Variants in NPM1 observed in about 807,000 individuals in gnomAD.
NPM1 encodes nucleophosmin.
NPM1 carries 1 observed loss-of-function variant against 44.1 expected under a neutral mutation model. The ratio of observed to expected loss-of-function variants is 0.02; its 90% CI spans 0.01 to 0.11. NPM1 has a LOEUF of 0.11. Among genes scored for constraint, NPM1 ranks in the 10% least tolerant of loss-of-function variants. The pLI is 1.00. For synonymous variants in NPM1, 126 were observed against 111.8 expected, an observed-to-expected ratio of 1.13 and a Z score of -0.80; for missense variants, 197 against 347.8, an observed-to-expected ratio of 0.57 and a Z score of 3.45.
rs181587190 is a variant in NPM1 at position 171,388,016 on chromosome 5, G to T, written c.58+10G>T. The T allele has an allele frequency of 6.9e-4, 1,119 of 1,610,684 alleles. 3 individuals are homozygous for T. The highest frequency in any genetic ancestry group is 8.4e-4 in the Non-Finnish European group (990 of 1,177,936). Reference sequence around the variant, plus strand: ...CAGAACTATCTTTTCGGTAACTGCTGGGGGGAGCTGGAGCGAGGCCGAGCG... The same window carrying T: ...CAGAACTATCTTTTCGGTAACTGCTTGGGGGAGCTGGAGCGAGGCCGAGCG... On this transcript the variant is annotated intron_variant, in intron 1 of 10. Transcript: ENST00000296930.
chr5:171,396,894 A>G (rs1301307201), intron 6 of NPM1, among the ~76,000 whole-genome samples: 1 of 151,786 alleles, frequency 6.6e-6, no homozygotes, highest in East Asian at 1.9e-4. Context: ...AATTGCTTGA[A>G]CCCGGGAGGC....
At chr5:171,400,316 A>ATC in intron 7 of NPM1, 106 bp downstream of exon 7, 1 of 1,363,208 alleles carries the variant, frequency 7.3e-7, no homozygotes, top group South Asian at 1.3e-5. Context: ...GTGGGAGATC[A>ATC]TCTCATACTG....
intron 6 of NPM1, among the ~76,000 whole-genome samples, chr5:171,396,146 A>AT (rs1770871202): frequency 6.6e-6 from 1 of 151,756 alleles, no homozygotes; most frequent in Non-Finnish European, 1.5e-5. Flanking sequence ...TGCCAGGCTA[A>AT]TTTTTTGTAT....
chr5:171,394,305 T>C (rs1770760869), intron 6 of NPM1, among the ~76,000 whole-genome samples: 1 of 152,126 alleles, frequency 6.6e-6, no homozygotes, highest in African/African-American at 2.4e-5. Flanking sequence ...CCCAAAGTGC[T>C]GGGATTGCAG....
rs759143092 is a variant in NPM1, at chr5:171,391,335, T to C, written c.169T>C (p.Leu57=). 5.0e-6 allele frequency: 8 copies of C among 1,613,350 alleles called. No individual in the cohort carries two copies. In the Admixed American group the frequency reaches 5.0e-5, roughly 10 times the overall value. ...VSLGAGAKDE[L]HIVEAEAMNY... ...TTTAGGGGCTGGTGCAAAGGATGAGTTGCACATTGTTGAAGCAGAGGCAAT... is the reference window on the plus strand; with the variant it reads ...TTTAGGGGCTGGTGCAAAGGATGAGCTGCACATTGTTGAAGCAGAGGCAAT... Residue 57 remains leucine (L), a synonymous_variant, in exon 3 of 11, where the codon TTG becomes CTG. Transcript: ENST00000296930.
At chr5:171,393,280 A>G (rs1352425064) in intron 6 of NPM1, among the ~76,000 whole-genome samples, 1 of 152,218 alleles carries the variant, frequency 6.6e-6, no homozygotes, top group Non-Finnish European at 1.5e-5. Flanking sequence ...TGGATGTGTT[A>G]TACCCATCAA....
chr5:171,400,255 A>T (rs544714118), intron 7 of NPM1, 45 bp downstream of exon 7: 1 of 1,610,974 alleles, frequency 6.2e-7, no homozygotes, highest in African/African-American at 1.3e-5. Flanking sequence ...AACAATAGAA[A>T]TGGTGATTTT....
intron 6 of NPM1, among the ~76,000 whole-genome samples, chr5:171,393,286 A>G (rs1171008192): frequency 6.6e-6 from 1 of 152,222 alleles, no homozygotes; most frequent in African/African-American, 2.4e-5. Context: ...TGTTATACCC[A>G]TCAAGCCTGG....
intron 8 of NPM1, among the ~76,000 whole-genome samples, chr5:171,404,058 G>A (rs867674203): frequency 2.1e-4 from 13 of 60,764 alleles, no homozygotes; most frequent in South Asian, 7.3e-4. Context: ...CTCACCTCCC[G>A]GACGGGGCGG....
At chr5:171,387,736 G>A (rs1770295728), upstream of NPM1, 3 of 596,394 alleles carry the variant, frequency 5.0e-6, no homozygotes, top group Non-Finnish European at 9.0e-6. Context: ...CGCTTGCGCA[G>A]GACGGCTACG....
At chr5:171,404,415 C>T (rs1436235293) in intron 8 of NPM1, among the ~76,000 whole-genome samples, 1 of 82,050 alleles carries the variant, frequency 1.2e-5, no homozygotes, top group Admixed American at 1.2e-4. Context: ...CCTCACTTCT[C>T]AGACGGGGCG....
intron 8 of NPM1, among the ~76,000 whole-genome samples, chr5:171,404,074 C>T (rs1216598197): frequency 3.0e-5 from 2 of 66,634 alleles, no homozygotes; most frequent in Admixed American, 2.5e-4. Context: ...GGCGGCTGGC[C>T]GGGCGGGGGG....
chr5:171,404,974 C>G (rs962690135), intron 8 of NPM1, among the ~76,000 whole-genome samples: 1 of 151,958 alleles, frequency 6.6e-6, no homozygotes, highest in African/African-American at 2.4e-5. Flanking sequence ...GTGGCCTACT[C>G]TTGCCCAGGT....
At chr5:171,388,204 G>C (rs917637928) in intron 1 of NPM1, among the ~76,000 whole-genome samples, 198 bp downstream of exon 1, 55 of 152,144 alleles carry the variant, frequency 3.6e-4, no homozygotes, top group Non-Finnish European at 6.0e-4. Flanking sequence ...TGGCGTGAAG[G>C]GGGAGGAGAC....
intron 8 of NPM1, among the ~76,000 whole-genome samples, chr5:171,402,968 A>ATTTTTTT (rs1771299295): frequency 2.1e-5 from 1 of 47,214 alleles, no homozygotes; most frequent in Non-Finnish European, 4.2e-5. Context: ...TTTTTTTTTC[A>ATTTTTTT]TTTTATTTAT....
At position 171,392,776 on chromosome 5, in the gene NPM1, G is replaced by C. The variant is rs1417200112; in HGVS notation, c.419G>C (p.Gly140Ala). ...GATGTGAAACTCTTAAGTATATCTG[G>C]AAAGCGGTCTGCCCCTGGAGGTGGT... ...EEDVKLLSISGKRSAPGGGSK... is the reference protein window; with the variant it reads ...EEDVKLLSISAKRSAPGGGSK... The change falls in exon 5 of 11, where the codon GGA (glycine) becomes GCA (alanine). Residue 140 changes from glycine (G) to alanine (A), a missense_variant. Coordinates refer to ENST00000296930, the MANE Select transcript of NPM1 (RefSeq NM_002520.7). 6.2e-7 allele frequency: 1 copy of C among 1,613,960 alleles called. No individual in the cohort carries two copies. Among genetic ancestry groups the C allele is most frequent in the East Asian group, 2.2e-5 (1 of 44,874 alleles).
intron 8 of NPM1, among the ~76,000 whole-genome samples, chr5:171,402,965 TTCA>T (rs1267878020): frequency 2.4e-5 from 3 of 122,772 alleles, no homozygotes; most frequent in South Asian, 2.9e-4. Flanking sequence ...TTTTTTTTTT[TTCA>T]TTTTATTTAT....
intron 8 of NPM1, among the ~76,000 whole-genome samples, chr5:171,401,837 G>A (rs1411556528): frequency 6.6e-6 from 1 of 152,144 alleles, no homozygotes; most frequent in Non-Finnish European, 1.5e-5. Context: ...ATGTTAGCTT[G>A]AAGTAGAACA....
At chr5:171,388,147 T>G in intron 1 of NPM1, 141 bp downstream of exon 1, 3 of 770,874 alleles carry the variant, frequency 3.9e-6, no homozygotes, top group East Asian at 2.7e-5. Context: ...TGGGAAGAGC[T>G]GCCTGAGCCC....
Sources: allele counts gnomAD v4.1 joint callset (sites outside exome capture counted in the v4.1 genomes callset), GRCh38; gene constraint gnomAD v4.1.1; transcripts MANE v1.5; gene names NCBI Gene and HGNC (gene_info 2026-07-23, HGNC 2026-07-21).